The following MAMDC4 variants were observed in gnomAD, a reference collection of about 807,000 sequenced individuals.
MAMDC4 encodes MAM domain containing 4, also known as apical endosomal glycoprotein.
A neutral mutation model predicts 153.3 loss-of-function variants in MAMDC4; 168 were observed. That is an observed-to-expected ratio of 1.10 (90% CI 0.97 to 1.25). The LOEUF is 1.25. Among genes scored for constraint, MAMDC4 ranks in the 50% most tolerant of loss-of-function variants. The probability of loss-of-function intolerance (pLI) is 0.00; values close to 1 mark genes in which losing one functional copy is unlikely to be tolerated. For missense variants in MAMDC4, 1,701 were observed against 1,542.8 expected (o/e 1.10, Z -1.72); for synonymous variants, 744 against 651.5 (o/e 1.14, Z -2.16).
At position 136,858,453 on chromosome 9, in the gene MAMDC4, G is replaced by A. The variant is rs138696111; in HGVS notation, c.2728G>A (p.Gly910Ser). Residue 910 changes from glycine (G) to serine (S), a missense_variant, in exon 22 of 27, where the codon GGC becomes AGC. Physicochemically the swap from Gly to Ser is moderately conservative, Grantham distance 56 (BLOSUM62 0). Coordinates refer to ENST00000317446, the MANE Select transcript of MAMDC4 (RefSeq NM_206920.3). ...LCGWSHLAWP[G>S]LGGYSWDWGG... ...TGGCTGGAGCCACCTGGCCTGGCCC[G>A]GCCTGGGCGGATACAGCTGGGACTG... 38 of 1,607,568 alleles carry A rather than the reference G, an allele frequency of 2.4e-5. No individual in the cohort carries two copies. Among genetic ancestry groups the A allele is most frequent in the Admixed American group, 1.7e-4 (10 of 59,952 alleles).
rs755071189 is a variant in MAMDC4, at chr9:136,853,212, GAGCCA to G, written c.154+6_154+10del. 11 of 1,612,644 alleles carry G rather than the reference GAGCCA, an allele frequency of 6.8e-6. No homozygotes were observed. The highest frequency in any genetic ancestry group is 9.3e-6 in the Non-Finnish European group (11 of 1,179,934). On this transcript the variant is annotated splice_donor_5th_base_variant and intron_variant, in intron 2 of 26. Transcript: ENST00000317446. Reference sequence around the variant, plus strand: ...CTGCTCAGATGAGGCCCAGTGTGGTGAGCCAAGACCAGATGGGCGGGCAGGGCCAG... The same window carrying G: ...CTGCTCAGATGAGGCCCAGTGTGGTGAGACCAGATGGGCGGGCAGGGCCAG...
chr9:136,859,844 G>A (rs779458858), intron 25 of MAMDC4, 42 bp from the exon 26 acceptor site: 1 of 1,603,486 alleles, frequency 6.2e-7, no homozygotes, highest in Admixed American at 1.7e-5. Flanking sequence ...CCCCAGATGT[G>A]GGGGCTGCTT....
chr9:136,857,229 C>T lies in MAMDC4; in HGVS notation c.2037C>T (p.Thr679=), dbSNP rs568034817. 1 of 1,609,962 alleles carries T rather than the reference C, an allele frequency of 6.2e-7. No individual in the cohort carries two copies. Among genetic ancestry groups the T allele is most frequent in the African/African-American group, 1.3e-5 (1 of 75,016 alleles). ...EETHLWSRSG[T]QGNRWHEAWA... is the part of the protein sequence containing the mutation. ...CACACCTGTGGTCGCGGTCAGGCAC[C>T]CAGGGCAACCGCTGGCACGAGGCCT... The change falls in exon 17 of 27, where the codon ACC becomes ACT. Residue 679 remains threonine, a synonymous_variant. Transcript: ENST00000317446.
chr9:136,859,076 C>A lies in MAMDC4; in HGVS notation c.3028C>A (p.Arg1010=). Residue 1010 remains arginine, a synonymous_variant, in exon 24 of 27, where the codon CGG becomes AGG. Coordinates refer to ENST00000317446, the MANE Select transcript of MAMDC4 (RefSeq NM_206920.3). ...GGCTGTGTGGGGCGCAGGCGGGCAT[C>A]GGCGGCACCAGTGGCTGGAGGCCCA... ...QLAVWGAGGH[R]RHQWLEAQVE... The A allele has an allele frequency of 2.6e-6, 4 of 1,556,466 alleles. No individual in the cohort carries two copies. In the South Asian group the frequency reaches 3.5e-5, roughly 14 times the overall value.
chr9:136,857,319 G>T, intron 17 of MAMDC4, 21 bp downstream of exon 17: 1 of 1,606,848 alleles, frequency 6.2e-7, no homozygotes, highest in Non-Finnish European at 8.5e-7. Context: ...GCACCCGGGT[G>T]GGAGGACAGG....
chr9:136,853,936 G>A (rs964849475), intron 5 of MAMDC4, 29 bp downstream of exon 5: 5 of 1,612,780 alleles, frequency 3.1e-6, no homozygotes, highest in Non-Finnish European at 3.4e-6. Context: ...GACGAGTGGG[G>A]GCCTTGAGGA....
intron 6 of MAMDC4, 27 bp downstream of exon 6, chr9:136,854,103 C>T (rs1283228641): frequency 9.3e-6 from 15 of 1,611,624 alleles, no homozygotes; most frequent in Non-Finnish European, 1.2e-5. Context: ...TCCTGTTCCA[C>T]CCCCGGGAGG....
rs1250966042 is a variant in MAMDC4, at chr9:136,857,600, GCAGGGGCAGGGATTGAGGGGCTGGC to G, written c.2326+22_2327-27del. 1.9e-6 allele frequency: 3 copies of G among 1,612,440 alleles called. No homozygotes were observed. The African/African-American group carries it at 4.0e-5, about 22-fold the overall frequency. ...AGACAGCCCAAGGTATGGGGGCCTG[GCAGGGGCAGGGATTGAGGGGCTGGC>G]CAGGGGCTGGCAGGCTGATGCTGGC... On this transcript the variant is annotated intron_variant, in intron 18 of 26. Transcript: ENST00000317446.
Position 136,857,746 on chromosome 9 carries a change from C to T in MAMDC4, c.2414C>T (p.Ala805Val). The T allele has an allele frequency of 6.2e-7, 1 of 1,612,670 alleles. No homozygotes were observed. ...ACCTCCAAGGAGCACAGGCCCCTGG[C>T]CCAGCCTGCTTGTCTGACCTTCTGG... ...SLTSKEHRPLAQPACLTFWYH... is the reference protein window; with the variant it reads ...SLTSKEHRPLVQPACLTFWYH... Residue 805 changes from alanine (A) to valine (V), a missense_variant, in exon 19 of 27, where the codon GCC becomes GTC. Ala to Val is a moderately conservative substitution (Grantham distance 64, BLOSUM62 0). Transcript: ENST00000317446.
chr9:136,857,535 G>A lies in MAMDC4; in HGVS notation c.2275G>A (p.Gly759Ser), dbSNP rs1363216012. 1.9e-6 allele frequency: 3 copies of A among 1,611,376 alleles called. No individual in the cohort carries two copies. The change falls in exon 18 of 27, where the codon GGC becomes AGC. Residue 759 changes from glycine (G) to serine (S), a missense_variant. Gly to Ser is a moderately conservative substitution (Grantham distance 56, BLOSUM62 0). Coordinates refer to ENST00000317446, the MANE Select transcript of MAMDC4 (RefSeq NM_206920.3). ...CTGGAGGCGGCAGGCCAATGCCTCGGGCCATGCTGCCTGGGGCCCCCCAAC... is the reference window on the plus strand; with the variant it reads ...CTGGAGGCGGCAGGCCAATGCCTCGAGCCATGCTGCCTGGGGCCCCCCAAC... ...GLWRRQANAS[G>S]HAAWGPPTDH... is the part of the protein sequence containing the mutation.
chr9:136,858,467 C>G lies in MAMDC4; in HGVS notation c.2742C>G (p.Tyr914Ter). 6.2e-7 allele frequency: 1 copy of G among 1,609,106 alleles called. No individual in the cohort carries two copies. Among genetic ancestry groups the G allele is most frequent in the Middle Eastern group, 1.7e-4 (1 of 6,060 alleles). The part of the protein sequence containing the change: ...SHLAWPGLGG[Y>*]SWDWGGGATP... ...TGGCCTGGCCCGGCCTGGGCGGATA[C>G]AGCTGGGACTGGGGCGGGGGAGCCA... Residue 914 changes from tyrosine (Y) to a stop codon, truncating the protein, a stop_gained, in exon 22 of 27, where the codon TAC becomes TAG. Coordinates refer to ENST00000317446, the MANE Select transcript of MAMDC4 (RefSeq NM_206920.3). LOFTEE classifies it high-confidence loss of function.
Position 136,857,482 on chromosome 9 carries a change from G to T in MAMDC4, c.2222G>T (p.Cys741Phe), listed in dbSNP as rs1185520020. ...PNYCSFEDSD[C>F]GFSPGGQGLW... ...TACTGCTCCTTTGAGGACTCAGACT[G>T]CGGCTTCTCCCCTGGAGGCCAAGGT... The change falls in exon 18 of 27, where the codon TGC becomes TTC. Residue 741 changes from cysteine to phenylalanine, a missense_variant. By Grantham distance (205) the Cys-to-Phe change is radical. Coordinates refer to ENST00000317446, the MANE Select transcript of MAMDC4 (RefSeq NM_206920.3). 1.2e-6 allele frequency: 2 copies of T among 1,609,512 alleles called. No individual in the cohort carries two copies. The highest frequency in any genetic ancestry group is 1.3e-5 in the African/African-American group (1 of 75,070).
At chr9:136,855,230 C>T (rs377119964) in intron 10 of MAMDC4, 24 bp from the exon 11 acceptor site, 3 of 1,577,532 alleles carry the variant, frequency 1.9e-6, no homozygotes, top group Middle Eastern at 1.7e-4. Context: ...AGGCTGGGCA[C>T]CCCCTGAGCC....
At position 136,853,634 on chromosome 9, in the gene MAMDC4, T is replaced by C; in HGVS notation, c.418T>C (p.Cys140Arg). ...AACCCTGCGAGAGGCAGCCTCCTCT[T>C]GCAAGCTGAGGCTCTGGTACCACGC... Reference protein sequence around the residue: ...SPTLREAASSCKLRLWYHAAS... With the variant: ...SPTLREAASSRKLRLWYHAAS... Residue 140 changes from cysteine to arginine, a missense_variant, in exon 4 of 27, where the codon TGC becomes CGC. Coordinates refer to ENST00000317446, the MANE Select transcript of MAMDC4 (RefSeq NM_206920.3). The C allele has an allele frequency of 6.2e-7, 1 of 1,609,340 alleles. No homozygotes were observed. Among genetic ancestry groups the C allele is most frequent in the South Asian group, 1.1e-5 (1 of 90,960 alleles).
At chr9:136,860,114 AC>A in intron 26 of MAMDC4, 50 bp downstream of exon 26, 1 of 1,490,760 alleles carries the variant, frequency 6.7e-7, no homozygotes, top group Non-Finnish European at 9.0e-7. Context: ...CTCAGCTGTG[AC>A]GCTGGAGGGC....
In MAMDC4 at chr9:136,855,234, C is replaced by G. The variant is rs1564386349; in HGVS notation, c.1198-20C>G. 10 of 1,581,372 alleles carry G rather than the reference C, an allele frequency of 6.3e-6. No individual in the cohort carries two copies. The highest frequency in any genetic ancestry group is 8.6e-6 in the Non-Finnish European group (10 of 1,164,498). ...CAGGGGGAAATAGGCTGGGCACCCC[C>G]TGAGCCCCTCTGCCCTCAGATCCTC... On this transcript the variant is annotated intron_variant, in intron 10 of 26. Transcript: ENST00000317446.
intron 25 of MAMDC4, 185 bp downstream of exon 25, chr9:136,859,502 G>A (rs1385352680): frequency 1.4e-5 from 9 of 638,910 alleles, no homozygotes; most frequent in South Asian, 1.2e-4. Context: ...CCCTGGGGCC[G>A]CTGCCTGGGC....
intron 10 of MAMDC4, 22 bp downstream of exon 10, chr9:136,855,132 G>A: frequency 6.4e-7 from 1 of 1,566,156 alleles, no homozygotes; most frequent in Non-Finnish European, 8.7e-7. Context: ...CAAGAGGGTG[G>A]GGTCTGGGGA....
chr9:136,852,535 T>G, intron 1 of MAMDC4, 73 bp downstream of exon 1: 1 of 1,557,480 alleles, frequency 6.4e-7, no homozygotes, highest in Non-Finnish European at 8.8e-7. Flanking sequence ...TGTGTGGCAG[T>G]GACGGACACC....
Sources: gnomAD v4.1 joint callset for allele counts on GRCh38, gnomAD v4.1.1 for gene constraint, MANE v1.5 for transcripts, NCBI Gene and HGNC (gene_info 2026-07-23, HGNC 2026-07-21) for gene names.